The following KHDC1 variants were observed in gnomAD, a reference collection of about 807,000 sequenced individuals.
KHDC1 encodes the protein KH domain containing 1.
In KHDC1, 21 loss-of-function variants were observed where a neutral mutation model predicts 24.7. That is an observed-to-expected ratio of 0.85 (90% confidence interval 0.60 to 1.23). The LOEUF is 1.23. Among genes scored for constraint, KHDC1 ranks in the 50% most tolerant of loss-of-function variants. KHDC1 has a pLI of 0.00. For synonymous variants in KHDC1, 98 were observed against 111.7 expected (o/e 0.88, Z 0.77); for missense variants, 274 against 298.5 (o/e 0.92, Z 0.61).
intron 1 of KHDC1, chr6:73,292,289 G>T: frequency 8.4e-7 from 1 of 1,183,696 alleles, no homozygotes; most frequent in South Asian, 1.2e-5. Flanking sequence ...AACCAGGGAT[G>T]GTAGGATGCT....
At chr6:73,273,015 C>T (rs1341199861) in intron 2 of KHDC1, among the ~76,000 whole-genome samples, 23 of 150,888 alleles carry the variant, frequency 1.5e-4, no homozygotes, top group African/African-American at 5.1e-4. Context: ...CGTGCCACCA[C>T]GCCTGGCTAA....
intron 1 of KHDC1, among the ~76,000 whole-genome samples, chr6:73,303,950 G>A (rs1357991532): frequency 6.6e-6 from 1 of 152,198 alleles, no homozygotes; most frequent in East Asian, 1.9e-4. Context: ...AGGCCAAGGT[G>A]GGTGGATCAC....
At chr6:73,242,421 C>T in exon 3 of KHDC1, 1 of 1,614,196 alleles carries the variant, frequency 6.2e-7, no homozygotes, top group South Asian at 1.1e-5. Flanking sequence ...ATGAGCTCCT[C>T]CTGGTCCTCT....
intron 2 of KHDC1, among the ~76,000 whole-genome samples, chr6:73,283,560 G>A (rs940783702): frequency 4.7e-5 from 7 of 150,112 alleles, no homozygotes; most frequent in Non-Finnish European, 3.0e-5. Flanking sequence ...GTAAGCACCC[G>A]GCCCTTAGTT....
rs911775425 is a variant in KHDC1, at chr6:73,279,369, C to T, written c.206+12629G>A. 3.9e-5 allele frequency among the ~76,000 whole-genome samples: 6 copies of T among 152,146 alleles called. No homozygotes were observed. In the South Asian group the frequency reaches 1.0e-3, roughly 26 times the overall value. On this transcript the variant is annotated intron_variant, in intron 2 of 4. Coordinates refer to ENST00000370384, the Ensembl canonical transcript of KHDC1. Reference sequence around the variant, plus strand: ...GCTGCAGTGAGCCAAGATCGCGCTCCAGCCTAGGTGACAGACCGAGCCTGT... The same window carrying T: ...GCTGCAGTGAGCCAAGATCGCGCTCTAGCCTAGGTGACAGACCGAGCCTGT...
At chr6:73,298,423 A>ATTTTTTTTTTTTTTTTTTTTTTTTTTT (rs370446904) in intron 1 of KHDC1, among the ~76,000 whole-genome samples, 1 of 59,956 alleles carries the variant, frequency 1.7e-5, no homozygotes, top group African/African-American at 7.5e-5. Flanking sequence ...TACTTTGCAA[A>ATTTTTTTTTTTTTTTTTTTTTTTTTTT]TTTTTTTTTT....
At chr6:73,291,743 T>G (rs991205284) in intron 2 of KHDC1, among the ~76,000 whole-genome samples, 5 of 151,984 alleles carry the variant, frequency 3.3e-5, no homozygotes, top group African/African-American at 1.2e-4. Flanking sequence ...TTGTTTTATT[T>G]TTAATTAATC....
chr6:73,265,057 G>A (rs568461169), intron 2 of KHDC1, among the ~76,000 whole-genome samples: 3 of 152,274 alleles, frequency 2.0e-5, no homozygotes, highest in East Asian at 1.9e-4. Context: ...GTTGGATGCA[G>A]GGTGTAGTTT....
At chr6:73,304,745 A>G (rs555779) in intron 1 of KHDC1, among the ~76,000 whole-genome samples, 102,872 of 152,034 alleles carry the variant, frequency 0.68, 38,453 homozygotes, top group Non-Finnish European at 0.83. Flanking sequence ...TAATTGGCTC[A>G]GGTTTCACAG....
At chr6:73,304,188 A>G (rs945874943) in intron 1 of KHDC1, among the ~76,000 whole-genome samples, 2 of 152,058 alleles carry the variant, frequency 1.3e-5, no homozygotes, top group Non-Finnish European at 2.9e-5. Context: ...CAAAAAAAAA[A>G]GAAAAAAAAT....
chr6:73,252,460 T>C (rs995988262), intron 2 of KHDC1, among the ~76,000 whole-genome samples: 11 of 152,142 alleles, frequency 7.2e-5, no homozygotes, highest in African/African-American at 2.2e-4. Context: ...ACATTTTCTA[T>C]AAAGGGCCGG....
chr6:73,288,307 C>T (rs1256856149), intron 2 of KHDC1, among the ~76,000 whole-genome samples: 3 of 152,106 alleles, frequency 2.0e-5, no homozygotes, highest in African/African-American at 4.8e-5. Flanking sequence ...CTCTTCCATC[C>T]CTATCAGAAA....
rs777111995 is a variant in KHDC1, at chr6:73,242,408, A to G, written c.329T>C (p.Phe110Ser). Residue 110 changes from phenylalanine (F) to serine (S), a missense_variant and splice_region_variant, in exon 3 of 5, where the codon TTC (phenylalanine) becomes TCC (serine). By Grantham distance (155) the Phe-to-Ser change is radical. Coordinates refer to ENST00000370384, the Ensembl canonical transcript of KHDC1. The stretch of plus-strand genomic sequence containing the variant: ...GGACGTGGGCAAAGGCCACTCACCG[A>G]AGATGAGCTCCTCCTGGTCCTCTTC... The G allele has an allele frequency of 1.4e-5, 23 of 1,614,198 alleles. No homozygotes were observed. In the South Asian group the frequency reaches 2.0e-4, roughly 14 times the overall value.
chr6:73,261,268 C>A (rs934223359), intron 2 of KHDC1, among the ~76,000 whole-genome samples: 1 of 151,950 alleles, frequency 6.6e-6, no homozygotes, highest in South Asian at 2.1e-4. Flanking sequence ...CATGGTGAAA[C>A]CCCGTCTTTA....
At chr6:73,291,615 C>A (rs187644979) in intron 2 of KHDC1, among the ~76,000 whole-genome samples, 2 of 152,216 alleles carry the variant, frequency 1.3e-5, no homozygotes, top group African/African-American at 2.4e-5. Context: ...GCATTTGCCA[C>A]CGTGCCTGGT....
chr6:73,274,277 A>T (rs940375409), intron 2 of KHDC1: 1 of 152,206 alleles, frequency 6.6e-6, no homozygotes, highest in Non-Finnish European at 1.5e-5. Flanking sequence ...GGGGCTCATT[A>T]GGCAATTGCC....
In KHDC1 at chr6:73,247,686, G is replaced by A. The variant is rs544576855; in HGVS notation, c.207-5156C>T. 3.3e-5 allele frequency among the ~76,000 whole-genome samples: 5 copies of A among 151,970 alleles called. No homozygotes were observed. The East Asian group carries it at 7.8e-4, about 24-fold the overall frequency. ...AGCCTAGCCAGCATGGTGAAACCCC[G>A]TCTCTACTAAAAATACAAAAATTAG... On this transcript the variant is annotated intron_variant, in intron 2 of 4. Coordinates refer to ENST00000370384, the Ensembl canonical transcript of KHDC1.
intron 1 of KHDC1, chr6:73,292,967 A>G (rs1767683960): frequency 1.1e-6 from 1 of 920,116 alleles, no homozygotes; most frequent in Non-Finnish European, 1.8e-6. Context: ...CATATTTGAG[A>G]CTTTCTGTCA....
intron 2 of KHDC1, among the ~76,000 whole-genome samples, chr6:73,267,053 A>G (rs1767086470): frequency 6.6e-6 from 1 of 152,218 alleles, no homozygotes; most frequent in Non-Finnish European, 1.5e-5. Flanking sequence ...GGACTTAAAT[A>G]GACATTTCTC....
Sources: allele counts gnomAD v4.1 joint callset (sites outside exome capture counted in the v4.1 genomes callset), GRCh38; gene constraint gnomAD v4.1.1; transcripts MANE v1.5; gene names NCBI Gene and HGNC (gene_info 2026-07-23, HGNC 2026-07-21).